Variants in SHISA9 observed in about 807,000 individuals in gnomAD.
The protein encoded by SHISA9 is shisa family member 9, also known as protein shisa-9.
In SHISA9, 13 loss-of-function variants were observed where a neutral mutation model predicts 38.0. The ratio of observed to expected loss-of-function variants is 0.34; its 90% CI spans 0.22 to 0.54. The LOEUF (loss-of-function observed/expected upper bound fraction) is 0.54, where lower values mean the gene tolerates loss of function less well. Ranked by LOEUF, SHISA9 falls within the 20% of genes least tolerant of loss-of-function variation. SHISA9 has a pLI of 0.91. For missense variants in SHISA9, 538 were observed against 575.8 expected (o/e 0.93, Z 0.67); for synonymous variants, 275 against 242.0 (o/e 1.14, Z -1.27).
At chr16:13,341,688 C>T in the SHISA9 span, among the ~76,000 whole-genome samples, 1 of 152,116 alleles carries the variant, frequency 6.6e-6, no homozygotes, top group African/African-American at 2.4e-5. Context: ...GTATTTGTTT[C>T]TCCATTTTAA....
At chr16:13,458,239 A>G in the SHISA9 span, 1 of 221,068 alleles carries the variant, frequency 4.5e-6, no homozygotes, top group Admixed American at 6.1e-5. Context: ...CCTCTTATGG[A>G]CACTGACTGT....
the SHISA9 span, among the ~76,000 whole-genome samples, chr16:13,286,238 C>G: frequency 6.6e-6 from 1 of 152,086 alleles, no homozygotes; most frequent in Non-Finnish European, 1.5e-5. Flanking sequence ...CAAGCTATGC[C>G]CCAACCACGC....
At chr16:13,184,160 GT>G (rs2050800249) in intron 2 of SHISA9, among the ~76,000 whole-genome samples, 3 of 152,134 alleles carry the variant, frequency 2.0e-5, no homozygotes, top group African/African-American at 7.2e-5. Flanking sequence ...AAGCCAGATG[GT>G]TTGGGAAGAG....
rs542103935 is a variant in SHISA9, at chr16:13,111,564, A to C, written c.692-91830A>C. ...ATTATCTGTGTAAGACACTTAGCATATTGGTGGGCACATAGAAAGGCCAGA... is the reference window on the plus strand; with the variant it reads ...ATTATCTGTGTAAGACACTTAGCATCTTGGTGGGCACATAGAAAGGCCAGA... On this transcript the variant is annotated intron_variant, in intron 2 of 4. Transcript: ENST00000558583. 3.9e-5 allele frequency among the ~76,000 whole-genome samples: 6 copies of C among 152,306 alleles called. No homozygotes were observed. In the South Asian group the frequency reaches 1.2e-3, roughly 32 times the overall value.
intron 2 of SHISA9, among the ~76,000 whole-genome samples, chr16:13,004,360 A>T (rs964169380): frequency 3.3e-5 from 5 of 152,250 alleles, no homozygotes. Context: ...AATATCTCCA[A>T]AGTCAGAACC....
chr16:12,965,497 G>T (rs1475127851), intron 2 of SHISA9, among the ~76,000 whole-genome samples: 1 of 152,176 alleles, frequency 6.6e-6, no homozygotes. Context: ...ACCAGTTCTG[G>T]AGATACAACT....
the SHISA9 span, among the ~76,000 whole-genome samples, chr16:13,514,573 G>T: frequency 1.3e-5 from 2 of 152,022 alleles, no homozygotes. Flanking sequence ...CACAGGAGGG[G>T]ATCAACAGAA....
chr16:13,232,557 G>C (rs2051341941), intron 4 of SHISA9, among the ~76,000 whole-genome samples: 1 of 152,200 alleles, frequency 6.6e-6, no homozygotes, highest in Admixed American at 6.5e-5. Context: ...ACAGCCCTCA[G>C]GAGTCCTGAG....
chr16:13,078,001 A>T (rs2073603270), intron 2 of SHISA9, among the ~76,000 whole-genome samples: 1 of 152,222 alleles, frequency 6.6e-6, no homozygotes, highest in East Asian at 1.9e-4. Flanking sequence ...AAGCAATAGA[A>T]ATCCCAGGGG....
intron 3 of SHISA9, among the ~76,000 whole-genome samples, chr16:13,211,559 A>C (rs184340228): frequency 6.6e-6 from 1 of 152,304 alleles, no homozygotes; most frequent in East Asian, 1.9e-4. Context: ...CCTTAGGTCT[A>C]CTTCCTCTTC....
chr16:13,497,685 C>CAAAAAAAA, the SHISA9 span, among the ~76,000 whole-genome samples: 21 of 106,098 alleles, frequency 2.0e-4, no homozygotes, highest in South Asian at 1.1e-3. Context: ...ACTCCGTCTC[C>CAAAAAAAA]AAAAAAAAAA....
the SHISA9 span, among the ~76,000 whole-genome samples, chr16:13,476,925 T>C: frequency 6.6e-6 from 1 of 151,812 alleles, no homozygotes; most frequent in African/African-American, 2.4e-5. Context: ...ATTTTTTGTA[T>C]TTTTTAGTAG....
chr16:13,351,549 A>G, the SHISA9 span, among the ~76,000 whole-genome samples: 1 of 152,114 alleles, frequency 6.6e-6, no homozygotes, highest in South Asian at 2.1e-4. Context: ...CACCCCTGCC[A>G]TCCTCCTCCC....
the SHISA9 span, among the ~76,000 whole-genome samples, chr16:13,441,869 C>T: frequency 8.5e-5 from 13 of 152,252 alleles, no homozygotes; most frequent in Non-Finnish European, 1.6e-4. Flanking sequence ...TGTGTGGGGC[C>T]GTAGCCATAT....
intron 2 of SHISA9, among the ~76,000 whole-genome samples, chr16:13,006,064 A>G (rs1367169519): frequency 6.6e-6 from 1 of 152,194 alleles, no homozygotes; most frequent in Non-Finnish European, 1.5e-5. Context: ...GCATGCGCGC[A>G]CGCACACACA....
intron 2 of SHISA9, among the ~76,000 whole-genome samples, chr16:13,090,122 T>C (rs2073758219): frequency 1.3e-5 from 2 of 152,250 alleles, no homozygotes; most frequent in Non-Finnish European, 1.5e-5. Context: ...TTGAGTGAGT[T>C]TCTTTATTCT....
the SHISA9 span, among the ~76,000 whole-genome samples, chr16:13,303,886 CCTT>C: frequency 3.9e-5 from 6 of 152,222 alleles, no homozygotes; most frequent in East Asian, 7.7e-4. Context: ...AATGCATTTC[CCTT>C]CTTCTTCCCA....
intron 2 of SHISA9, among the ~76,000 whole-genome samples, chr16:13,073,028 T>C (rs1272250823): frequency 6.6e-6 from 1 of 152,162 alleles, no homozygotes. Flanking sequence ...TGAGCTTGAG[T>C]GATCCTCCTG....
At chr16:13,430,155 CGT>C in the SHISA9 span, among the ~76,000 whole-genome samples, 2 of 152,148 alleles carry the variant, frequency 1.3e-5, no homozygotes, top group African/African-American at 4.8e-5. Flanking sequence ...TGATCTCAGA[CGT>C]CTTGTCTCTA....
Sources: allele counts gnomAD v4.1 joint callset (sites outside exome capture counted in the v4.1 genomes callset), GRCh38; gene constraint gnomAD v4.1.1; transcripts MANE v1.5; gene names NCBI Gene and HGNC (gene_info 2026-07-23, HGNC 2026-07-21).